The following CPNE4 variants were observed in gnomAD, a reference collection of about 807,000 sequenced individuals.
CPNE4 encodes copine 4.
Under a neutral mutation model 67.9 loss-of-function variants are expected in CPNE4, and 25 were observed. The observed-to-expected ratio is 0.37, with a 90% CI of 0.27 to 0.51. The LOEUF (loss-of-function observed/expected upper bound fraction) is 0.51. Among genes scored for constraint, CPNE4 ranks in the 20% least tolerant of loss-of-function variants. The pLI is 0.93. For synonymous variants in CPNE4, 242 were observed against 244.9 expected (o/e 0.99, Z 0.11); for missense variants, 464 against 690.8 (o/e 0.67, Z 3.68).
chr3:131,768,979 T>C (rs73220485), intron 2 of CPNE4, among the ~76,000 whole-genome samples: 9,117 of 152,246 alleles, frequency 0.06, 345 homozygotes, highest in Non-Finnish European at 0.089. Context: ...TGTAATTATA[T>C]TATAATCCAC....
At chr3:131,551,868 G>A (rs1362887609) in intron 13 of CPNE4, among the ~76,000 whole-genome samples, 1 of 151,908 alleles carries the variant, frequency 6.6e-6, no homozygotes, top group East Asian at 1.9e-4. Flanking sequence ...TCATTATTTT[G>A]TGAAATCATG....
intron 2 of CPNE4, among the ~76,000 whole-genome samples, chr3:131,882,195 GTATAA>G (rs2087699177): frequency 6.6e-6 from 1 of 151,436 alleles, no homozygotes; most frequent in Non-Finnish European, 1.5e-5. Flanking sequence ...CACACATACT[GTATAA>G]TATGTTAATA....
intron 2 of CPNE4, among the ~76,000 whole-genome samples, chr3:131,814,827 ATCT>A (rs1361886484): frequency 2.0e-5 from 3 of 149,284 alleles, no homozygotes; most frequent in Non-Finnish European, 4.4e-5. Flanking sequence ...GATGGTCTCG[ATCT>A]CCTGACCTCG....
intron 9 of CPNE4, among the ~76,000 whole-genome samples, chr3:131,577,209 T>C (rs888001971): frequency 1.3e-5 from 2 of 152,162 alleles, no homozygotes; most frequent in Non-Finnish European, 2.9e-5. Context: ...TATGTAAGGA[T>C]ATGGTCCTGT....
At chr3:131,610,090 T>A (rs1183831753) in intron 7 of CPNE4, among the ~76,000 whole-genome samples, 1 of 152,174 alleles carries the variant, frequency 6.6e-6, no homozygotes, top group African/African-American at 2.4e-5. Flanking sequence ...CCAAACAAAC[T>A]TCCCCCTCTC....
chr3:131,554,623 A>G (rs1435399117), intron 12 of CPNE4, among the ~76,000 whole-genome samples: 1 of 152,074 alleles, frequency 6.6e-6, no homozygotes. Context: ...TCCTCTTTCA[A>G]AAAGGATACC....
intron 2 of CPNE4, among the ~76,000 whole-genome samples, chr3:131,884,673 G>T (rs1211486066): frequency 6.6e-6 from 1 of 152,178 alleles, no homozygotes; most frequent in Non-Finnish European, 1.5e-5. Flanking sequence ...GAGGGACCTG[G>T]TGGGAGATAA....
chr3:131,652,797 G>T (rs1453941915), intron 7 of CPNE4, among the ~76,000 whole-genome samples: 2 of 152,148 alleles, frequency 1.3e-5, no homozygotes, highest in Admixed American at 6.5e-5. Flanking sequence ...GTAGGCAACT[G>T]CCATGTTGTC....
In CPNE4 at chr3:131,700,476, C is replaced by G. The variant is rs181561280; in HGVS notation, c.361-496G>C. Among the ~76,000 whole-genome samples the G allele has an allele frequency of 3.3e-4, 51 of 152,248 alleles. 2 individuals carry two copies. Among genetic ancestry groups the G allele is most frequent in the Admixed American group, 3.3e-3 (51 of 15,286 alleles). On this transcript the variant is annotated intron_variant, in intron 3 of 15. Transcript: ENST00000429747. ...AGTAAGTCATCAGAAAATTGATGCTCAGACAAGTCAATAGAAGTAATTGCG... is the reference window on the plus strand; with the variant it reads ...AGTAAGTCATCAGAAAATTGATGCTGAGACAAGTCAATAGAAGTAATTGCG...
chr3:131,771,949 G>A (rs2083177132), intron 2 of CPNE4, among the ~76,000 whole-genome samples: 1 of 151,986 alleles, frequency 6.6e-6, no homozygotes, highest in African/African-American at 2.4e-5. Flanking sequence ...AGTCATTTTT[G>A]CCCATACATT....
intron 2 of CPNE4, among the ~76,000 whole-genome samples, chr3:131,873,961 A>G (rs78771535): frequency 2.0e-5 from 3 of 152,260 alleles, no homozygotes; most frequent in East Asian, 3.9e-4. Context: ...TTGTCTATCT[A>G]TGATTCAACC....
intron 3 of CPNE4, among the ~76,000 whole-genome samples, chr3:131,714,460 T>C (rs1302074190): frequency 2.6e-5 from 4 of 152,348 alleles, no homozygotes; most frequent in South Asian, 2.1e-4. Flanking sequence ...CTTTTTGTAG[T>C]GTAAACTTTA....
chr3:131,670,285 A>C (rs1303534150), intron 6 of CPNE4, among the ~76,000 whole-genome samples: 1 of 152,196 alleles, frequency 6.6e-6, no homozygotes, highest in Non-Finnish European at 1.5e-5. Context: ...TTTCTAGAAG[A>C]AAAATCCCAG....
Position 131,657,704 on chromosome 3 carries a change from TTGTGTGTGTG to T in CPNE4, c.681+11961_681+11970del, listed in dbSNP as rs56890555. On this transcript the variant is annotated intron_variant, in intron 7 of 15. Transcript: ENST00000429747. ...CACGTGCCACCACGTCCAGCTAATT[TTGTGTGTGTG>T]TGTGTGTGTGTGTGTGTGTGTGTGT... 2.2e-3 allele frequency among the ~76,000 whole-genome samples: 303 copies of T among 140,922 alleles called. 2 individuals carry two copies. The highest frequency in any genetic ancestry group is 2.7e-3 in the Non-Finnish European group (176 of 65,150). 92.5% of individuals were successfully genotyped at this position (140,922 alleles called of 152,430 possible). A position where few individuals can be genotyped will look rare whatever the true frequency, so the allele number is the denominator to read the frequency against.
intron 1 of CPNE4, among the ~76,000 whole-genome samples, chr3:131,921,719 T>C (rs888711417): frequency 6.6e-6 from 1 of 152,130 alleles, no homozygotes; most frequent in African/African-American, 2.4e-5. Context: ...AATGCAGATA[T>C]AGAGCATAGA....
intron 1 of CPNE4, among the ~76,000 whole-genome samples, chr3:131,905,780 T>C (rs771661318): frequency 1.3e-5 from 2 of 152,200 alleles, no homozygotes; most frequent in African/African-American, 2.4e-5. Flanking sequence ...TCAATAAGTG[T>C]ATGGCTTGTG....
At chr3:131,838,106 T>C (rs531727812) in intron 2 of CPNE4, among the ~76,000 whole-genome samples, 4 of 152,058 alleles carry the variant, frequency 2.6e-5, no homozygotes, top group East Asian at 1.9e-4. Flanking sequence ...TTTCCTAGTC[T>C]CTGTACAATT....
At chr3:131,914,320 G>T (rs1186164402) in intron 1 of CPNE4, among the ~76,000 whole-genome samples, 3 of 152,122 alleles carry the variant, frequency 2.0e-5, no homozygotes, top group Non-Finnish European at 2.9e-5. Flanking sequence ...AAAGTGACAG[G>T]TGGGGATTTA....
chr3:131,951,651 G>A (rs1225014), intron 1 of CPNE4, among the ~76,000 whole-genome samples: 1 of 152,158 alleles, frequency 6.6e-6, no homozygotes, highest in African/African-American at 2.4e-5. Context: ...TCGGCTCACT[G>A]CAACCTCCCT....
Sources: allele counts gnomAD v4.1 joint callset (sites outside exome capture counted in the v4.1 genomes callset), GRCh38; gene constraint gnomAD v4.1.1; transcripts MANE v1.5; gene names NCBI Gene and HGNC (gene_info 2026-07-23, HGNC 2026-07-21).